Variants in CACNA1D observed in about 807,000 individuals in gnomAD.
CACNA1D encodes calcium voltage-gated channel subunit alpha1 D.
Under a neutral mutation model 257.1 loss-of-function variants are expected in CACNA1D, and 55 were observed. The observed-to-expected ratio is 0.21, with a 90% confidence interval of 0.17 to 0.27. The LOEUF (loss-of-function observed/expected upper bound fraction) is 0.27. CACNA1D is among the 10% of genes least tolerant of loss of function. The pLI is 1.00. For missense variants in CACNA1D, 1,876 were observed against 2,784.0 expected (o/e 0.67, Z 7.34); for synonymous variants, 980 against 1,014.9 (o/e 0.97, Z 0.65).
Position 53,580,865 on chromosome 3 carries a change from A to G in CACNA1D, c.484-69914A>G, listed in dbSNP as rs573279299. 4.3e-4 allele frequency among the ~76,000 whole-genome samples: 66 copies of G among 152,310 alleles called. 1 individual carries two copies. The highest frequency in any genetic ancestry group is 1.5e-3 in the African/African-American group (63 of 41,566). ...TTCTCATATATGTCTGTGCATACAC[A>G]CACTCACTCAACCCAGCAGTTGGCA... is the stretch of plus-strand genomic sequence containing the variant. On this transcript the variant is annotated intron_variant, in intron 3 of 47. Transcript: ENST00000350061.
chr3:53,588,086 A>G (rs909459133), intron 3 of CACNA1D, among the ~76,000 whole-genome samples: 2 of 152,168 alleles, frequency 1.3e-5, no homozygotes, highest in Non-Finnish European at 2.9e-5. Context: ...ACCTAGGGGT[A>G]TTTCCTTGGT....
chr3:53,613,003 G>A (rs1175075442), intron 3 of CACNA1D, among the ~76,000 whole-genome samples: 1 of 152,064 alleles, frequency 6.6e-6, no homozygotes, highest in Non-Finnish European at 1.5e-5. Flanking sequence ...TAAACAGGCC[G>A]AAAAATGCAG....
Position 53,745,645 on chromosome 3 carries a change from G to A in CACNA1D, c.3028G>A (p.Val1010Met), listed in dbSNP as rs780809499. ...GLKHVVQCVFVAIRTIGNIMI... is the reference protein window; with the variant it reads ...GLKHVVQCVFMAIRTIGNIMI... The stretch of plus-strand genomic sequence containing the variant: ...GCAGCACGTGGTCCAGTGCGTCTTC[G>A]TGGCCATCCGGACCATCGGCAACAT... Residue 1010 changes from valine (V) to methionine (M), a missense_variant, in exon 24 of 48, where the codon GTG becomes ATG. Physicochemically the swap from Val to Met is conservative, Grantham distance 21 (BLOSUM62 1). This residue lies in a region of CACNA1D where 271 missense variants were observed against 425.5 expected (regional missense o/e 0.64). Coordinates refer to ENST00000350061, the MANE Select transcript of CACNA1D (RefSeq NM_001128840.3). The A allele has an allele frequency of 6.2e-6, 10 of 1,613,620 alleles. No individual in the cohort carries two copies. The highest frequency in any genetic ancestry group is 2.2e-5 in the East Asian group (1 of 44,904).
chr3:53,684,056 C>T (rs2094454239), intron 8 of CACNA1D, among the ~76,000 whole-genome samples: 1 of 152,032 alleles, frequency 6.6e-6, no homozygotes, highest in African/African-American at 2.4e-5. Context: ...ACATTACATA[C>T]TAGGAGAAAA....
At chr3:53,698,616 A>G (rs928110024) in intron 8 of CACNA1D, among the ~76,000 whole-genome samples, 1 of 152,212 alleles carries the variant, frequency 6.6e-6, no homozygotes, top group Non-Finnish European at 1.5e-5. Context: ...AAGGTGAAGA[A>G]CATTAACATG....
At chr3:53,733,110 C>G in intron 19 of CACNA1D, 148 bp downstream of exon 19, 3 of 704,176 alleles carry the variant, frequency 4.3e-6, no homozygotes, top group East Asian at 2.7e-5. Context: ...CAAGTCCCCT[C>G]CAACCCCTCT....
chr3:53,747,060 T>TAG (rs1037513101), intron 25 of CACNA1D, among the ~76,000 whole-genome samples: 8 of 152,176 alleles, frequency 5.3e-5, no homozygotes, highest in Non-Finnish European at 1.0e-4. Flanking sequence ...GGTGTCTGGG[T>TAG]GGCTGCTCTG....
chr3:53,664,166 G>A (rs1164368893), intron 5 of CACNA1D, among the ~76,000 whole-genome samples: 4 of 152,122 alleles, frequency 2.6e-5, no homozygotes, highest in African/African-American at 9.7e-5. Context: ...TACTTAACAA[G>A]GCTCAAGTCA....
At position 53,673,552 on chromosome 3, in the gene CACNA1D, CT is replaced by C. The variant is rs1319680032; in HGVS notation, c.1220+428del. Among the ~76,000 whole-genome samples the C allele has an allele frequency of 1.6e-5, 2 of 126,016 alleles. No homozygotes were observed. The highest frequency in any genetic ancestry group is 7.1e-5 in the African/African-American group (2 of 28,242). 82.7% of individuals were successfully genotyped at this position (126,016 alleles called of 152,430 possible). ...GTAGATTTCAGCCGCTGAGCTTGTC[CT>C]TATTTGCAGAAAAAAAAAAAAAAAG... On this transcript the variant is annotated intron_variant, in intron 8 of 47. Transcript: ENST00000350061. The surrounding 1 kb of genome is among the most constrained non-coding windows in gnomAD (Gnocchi z 4.1).
intron 2 of CACNA1D, among the ~76,000 whole-genome samples, chr3:53,500,730 T>C (rs937129518): frequency 2.0e-5 from 3 of 152,226 alleles, no homozygotes. Context: ...TTTTGGCAGA[T>C]GTCAAATTTT....
At chr3:53,584,849 T>C (rs1223859845) in intron 3 of CACNA1D, among the ~76,000 whole-genome samples, 1 of 151,684 alleles carries the variant, frequency 6.6e-6, no homozygotes, top group Non-Finnish European at 1.5e-5. Flanking sequence ...CACAGATGAC[T>C]CTATTAGAGT....
intron 3 of CACNA1D, among the ~76,000 whole-genome samples, chr3:53,574,155 T>C (rs1415598531): frequency 6.6e-6 from 1 of 152,186 alleles, no homozygotes; most frequent in East Asian, 1.9e-4. Context: ...CGTTTCAGGT[T>C]GCCTCTGTTC....
chr3:53,799,967 C>T (rs753718716), intron 40 of CACNA1D: 2 of 479,652 alleles, frequency 4.2e-6, no homozygotes, highest in Non-Finnish European at 7.7e-6. Context: ...CAGATCCTAG[C>T]ACTAGTAACC....
Position 53,753,690 on chromosome 3 carries a change from G to A in CACNA1D, c.3786+8G>A. On this transcript the variant is annotated splice_region_variant and intron_variant, in intron 29 of 47. Coordinates refer to ENST00000350061, the MANE Select transcript of CACNA1D (RefSeq NM_001128840.3). ...ATCGCATTTAAGCCTAAGGTGAGTT[G>A]CAGAACCCACTTTTCAAAGGTTGTT... The A allele has an allele frequency of 6.5e-7, 1 of 1,541,474 alleles. No homozygotes were observed. The highest frequency in any genetic ancestry group is 9.0e-7 in the Non-Finnish European group (1 of 1,113,512).
chr3:53,603,324 G>A (rs952081157), intron 3 of CACNA1D, among the ~76,000 whole-genome samples: 2 of 152,238 alleles, frequency 1.3e-5, no homozygotes, highest in African/African-American at 4.8e-5. Context: ...TTTGAAGCCA[G>A]ACTGCTGGGG....
chr3:53,570,210 C>G (rs1375885895), intron 3 of CACNA1D, among the ~76,000 whole-genome samples: 1 of 152,174 alleles, frequency 6.6e-6, no homozygotes, highest in African/African-American at 2.4e-5. Context: ...CTTCAAAGAT[C>G]AAGGACTTCC....
At chr3:53,598,614 G>A (rs114968428) in intron 3 of CACNA1D, among the ~76,000 whole-genome samples, 3,452 of 151,082 alleles carry the variant, frequency 0.023, 112 homozygotes, top group African/African-American at 0.077. Context: ...GAAAACCAAA[G>A]CAAAGCCTTG....
intron 31 of CACNA1D, 145 bp from the exon 32 acceptor site, chr3:53,770,279 C>T: frequency 1.2e-6 from 1 of 866,386 alleles, no homozygotes; most frequent in South Asian, 1.4e-5. Flanking sequence ...CTCTTCCTTT[C>T]ATATCATGCT....
chr3:53,765,757 G>A (rs554769473), intron 30 of CACNA1D: 14 of 152,364 alleles, frequency 9.2e-5, no homozygotes, highest in African/African-American at 2.6e-4. Flanking sequence ...TTGCAAAAAC[G>A]TTTTGGGTAG....
Sources: allele counts gnomAD v4.1 joint callset (sites outside exome capture counted in the v4.1 genomes callset), GRCh38; gene constraint gnomAD v4.1.1; regional missense constraint gnomAD v4.1.1; non-coding constraint Gnocchi (gnomAD v3.1); transcripts MANE v1.5; gene names NCBI Gene and HGNC (gene_info 2026-07-23, HGNC 2026-07-21).